Variants in ARSB observed in about 807,000 individuals in gnomAD.
ARSB encodes arylsulfatase B.
A neutral mutation model predicts 50.9 loss-of-function variants in ARSB; 41 were observed. The observed-to-expected ratio is 0.81, with a 90% CI of 0.63 to 1.04. The LOEUF (loss-of-function observed/expected upper bound fraction) is 1.04. Among genes scored for constraint, ARSB ranks in the 50% least tolerant of loss-of-function variants. The probability of loss-of-function intolerance (pLI) is 0.00; values close to 1 mark genes in which losing one functional copy is unlikely to be tolerated. For missense variants in ARSB, 672 were observed against 693.3 expected (o/e 0.97, Z 0.35); for synonymous variants, 269 against 284.8 (o/e 0.94, Z 0.56).
intron 5 of ARSB, among the ~76,000 whole-genome samples, chr5:78,870,987 A>G (rs893855045): frequency 1.3e-4 from 19 of 151,740 alleles, no homozygotes; most frequent in Admixed American, 1.1e-3. Flanking sequence ...CAAAATCAAT[A>G]TACAAAAATC....
intron 6 of ARSB, among the ~76,000 whole-genome samples, chr5:78,797,089 G>A (rs1454805372): frequency 6.6e-6 from 1 of 151,976 alleles, no homozygotes; most frequent in Non-Finnish European, 1.5e-5. Context: ...CGTTTTAGCC[G>A]GGATGGTCTC....
At chr5:78,889,302 T>C (rs1748175881) in intron 4 of ARSB, among the ~76,000 whole-genome samples, 1 of 152,236 alleles carries the variant, frequency 6.6e-6, no homozygotes, top group Admixed American at 6.5e-5. Context: ...AAAAAGACAA[T>C]GGAACCATCA....
chr5:78,928,298 G>A (rs337891), intron 4 of ARSB, among the ~76,000 whole-genome samples: 78,213 of 132,334 alleles, frequency 0.59, 22,800 homozygotes, highest in East Asian at 0.72. Context: ...ATTGCCATTT[G>A]CTTTTGCTTT....
At position 78,807,976 on chromosome 5, in the gene ARSB, C is replaced by T. The variant is rs113556761; in HGVS notation, c.1214-26002G>A. 3.2e-3 allele frequency among the ~76,000 whole-genome samples: 478 copies of T among 147,744 alleles called. 5 individuals are homozygous for T. Among genetic ancestry groups the T allele is most frequent in the African/African-American group, 0.011 (451 of 39,728 alleles). On this transcript the variant is annotated intron_variant, in intron 6 of 7. Coordinates refer to ENST00000264914, the MANE Select transcript of ARSB (RefSeq NM_000046.5). The stretch of plus-strand genomic sequence containing the variant: ...GGCGTAGTGGCGGGCGCCTGTAGTC[C>T]CAGCTACTTGGGAGGCTGAGGCAGG...
chr5:78,958,197 G>A (rs902764458), intron 3 of ARSB, among the ~76,000 whole-genome samples: 2 of 152,084 alleles, frequency 1.3e-5, no homozygotes, highest in Admixed American at 6.5e-5. Context: ...GCAAACACGA[G>A]ATTTTGTGAC....
intron 4 of ARSB, among the ~76,000 whole-genome samples, chr5:78,904,678 T>C (rs337858): frequency 0.6 from 86,844 of 144,902 alleles, 27,310 homozygotes; most frequent in East Asian, 0.98. Context: ...CTTTCTTTTC[T>C]TTCTTTCTTT....
At chr5:78,973,378 A>G (rs1339365348) in intron 1 of ARSB, among the ~76,000 whole-genome samples, 1 of 152,190 alleles carries the variant, frequency 6.6e-6, no homozygotes, top group Non-Finnish European at 1.5e-5. Flanking sequence ...TTACTTGACC[A>G]TCAAAAATCC....
At chr5:78,937,912 G>C (rs1750712845) in intron 4 of ARSB, among the ~76,000 whole-genome samples, 1 of 151,998 alleles carries the variant, frequency 6.6e-6, no homozygotes, top group South Asian at 2.1e-4. Context: ...CCATTTCCAG[G>C]GTCACAGAGA....
chr5:78,955,152 C>G, intron 4 of ARSB, 143 bp downstream of exon 4: 1 of 795,384 alleles, frequency 1.3e-6, no homozygotes, highest in East Asian at 2.7e-5. Flanking sequence ...ATCTTTCCAT[C>G]CACAATTACC....
intron 4 of ARSB, among the ~76,000 whole-genome samples, chr5:78,947,065 T>A (rs1192024699): frequency 1.3e-5 from 2 of 152,170 alleles, no homozygotes; most frequent in Non-Finnish European, 2.9e-5. Context: ...CTGGGAAAAC[T>A]GGATATCCAT....
At chr5:78,834,441 T>C (rs1431651652) in intron 6 of ARSB, among the ~76,000 whole-genome samples, 2 of 151,688 alleles carry the variant, frequency 1.3e-5, no homozygotes, top group African/African-American at 4.8e-5. Context: ...CTATTTTCTG[T>C]CCCTATGAAT....
chr5:78,849,372 T>C (rs1436216775), intron 5 of ARSB, among the ~76,000 whole-genome samples: 1 of 152,150 alleles, frequency 6.6e-6, no homozygotes, highest in Non-Finnish European at 1.5e-5. Flanking sequence ...GATCAGATAG[T>C]TGTAGGTAAG....
In ARSB at chr5:78,874,402, A is replaced by G. The variant is rs77898934; in HGVS notation, c.1142+11182T>C. On this transcript the variant is annotated intron_variant, in intron 5 of 7. Coordinates refer to ENST00000264914, the MANE Select transcript of ARSB (RefSeq NM_000046.5). ...AAATCACAAAACTGGAAGAGAATGA[A>G]AAGTTACATAAGTTGCTTGATTTCC... 1.9e-3 allele frequency among the ~76,000 whole-genome samples: 296 copies of G among 152,348 alleles called. 6 individuals carry two copies. In the East Asian group the frequency reaches 0.046, roughly 24 times the overall value.
chr5:78,825,356 TA>T (rs1157949776), intron 6 of ARSB, among the ~76,000 whole-genome samples: 1 of 152,252 alleles, frequency 6.6e-6, no homozygotes. Context: ...TATTTTCATT[TA>T]AAAAATGTTT....
chr5:78,926,401 CA>C (rs1488301403), intron 4 of ARSB, among the ~76,000 whole-genome samples: 2 of 152,154 alleles, frequency 1.3e-5, no homozygotes, highest in Non-Finnish European at 2.9e-5. Context: ...GCTGAGTCCC[CA>C]CTGGAGGTAT....
chr5:78,871,348 T>A (rs1455090543), intron 5 of ARSB, among the ~76,000 whole-genome samples: 2 of 151,862 alleles, frequency 1.3e-5, no homozygotes, highest in Admixed American at 6.6e-5. Flanking sequence ...AAAAGAGCCC[T>A]CATTGCCAAG....
intron 4 of ARSB, among the ~76,000 whole-genome samples, chr5:78,934,459 A>G (rs1345167210): frequency 2.0e-5 from 3 of 152,186 alleles, no homozygotes; most frequent in African/African-American, 7.2e-5. Context: ...ATGATTGCTG[A>G]TATTATAATA....
At chr5:78,936,135 T>TG (rs1489526544) in intron 4 of ARSB, among the ~76,000 whole-genome samples, 1 of 137,790 alleles carries the variant, frequency 7.3e-6, no homozygotes, top group African/African-American at 2.7e-5. Context: ...CTCTCTTTTT[T>TG]TTTTTTTTTG....
intron 6 of ARSB, among the ~76,000 whole-genome samples, chr5:78,834,387 C>A (rs1366552302): frequency 6.6e-6 from 1 of 151,664 alleles, no homozygotes; most frequent in Non-Finnish European, 1.5e-5. Flanking sequence ...ACTCAACAAT[C>A]ATGCCCCATT....
Sources: gnomAD v4.1 joint callset for allele counts (sites outside exome capture counted in the v4.1 genomes callset) on GRCh38, gnomAD v4.1.1 for gene constraint, MANE v1.5 for transcripts, NCBI Gene and HGNC (gene_info 2026-07-23, HGNC 2026-07-21) for gene names.